Variants in CCDC7 observed in about 807,000 individuals in gnomAD.
The protein encoded by CCDC7 is coiled-coil domain containing 7.
A neutral mutation model predicts 196.9 loss-of-function variants in CCDC7; 183 were observed. The ratio of observed to expected loss-of-function variants is 0.93; its 90% CI spans 0.82 to 1.05. The LOEUF is 1.05. CCDC7 is among the 50% of genes least tolerant of loss of function. The pLI is 0.00. For synonymous variants in CCDC7, 525 were observed against 484.6 expected (o/e 1.08, Z -1.10); for missense variants, 1,540 against 1,482.2 (o/e 1.04, Z -0.64).
intron 24 of CCDC7, among the ~76,000 whole-genome samples, chr10:32,696,398 A>C (rs994839267): frequency 7.2e-5 from 11 of 152,146 alleles, no homozygotes; most frequent in African/African-American, 2.2e-4. Context: ...CTCCATGTCC[A>C]CTTTGAACTT....
chr10:32,850,122 C>T (rs1303025572), intron 39 of CCDC7, among the ~76,000 whole-genome samples: 1 of 152,158 alleles, frequency 6.6e-6, no homozygotes, highest in African/African-American at 2.4e-5. Context: ...AGACAGGAAG[C>T]TCTCAAAGCC....
intron 32 of CCDC7, among the ~76,000 whole-genome samples, chr10:32,829,153 G>A (rs182647545): frequency 6.6e-6 from 1 of 152,294 alleles, no homozygotes; most frequent in East Asian, 1.9e-4. Context: ...GCATCTCTTA[G>A]TATTACCATG....
chr10:32,864,517 A>G (rs1230993446), intron 41 of CCDC7, among the ~76,000 whole-genome samples: 1 of 151,402 alleles, frequency 6.6e-6, no homozygotes, highest in African/African-American at 2.4e-5. Flanking sequence ...CATATATATT[A>G]CATAATGCAA....
chr10:32,669,943 A>T (rs966665026), intron 21 of CCDC7, among the ~76,000 whole-genome samples: 3 of 152,300 alleles, frequency 2.0e-5, no homozygotes, highest in Middle Eastern at 6.8e-3. Context: ...AGGACAAATT[A>T]TAATCAGACG....
chr10:32,700,917 C>G lies in CCDC7; in HGVS notation c.2458+5925C>G, dbSNP rs576738474. Among the ~76,000 whole-genome samples, 297 of 152,304 alleles carry G rather than the reference C, an allele frequency of 2.0e-3. 1 individual carries two copies. Among genetic ancestry groups the G allele is most frequent in the Middle Eastern group, 6.8e-3 (2 of 294 alleles). Reference sequence around the variant, plus strand: ...TGCACATTGATTTTGTGTCCTGAGACTTTGCTGAAGTTGCTTATCAGCTTA... The same window carrying G: ...TGCACATTGATTTTGTGTCCTGAGAGTTTGCTGAAGTTGCTTATCAGCTTA... On this transcript the variant is annotated intron_variant, in intron 24 of 41. Coordinates refer to ENST00000639629, the Ensembl canonical transcript of CCDC7.
chr10:32,785,729 G>A (rs2081757590), intron 29 of CCDC7, among the ~76,000 whole-genome samples: 1 of 152,076 alleles, frequency 6.6e-6, no homozygotes, highest in Non-Finnish European at 1.5e-5. Context: ...GCATTAATTG[G>A]GAGGATTTAG....
At chr10:32,519,524 G>T (rs562285000) in intron 11 of CCDC7, among the ~76,000 whole-genome samples, 10 of 152,132 alleles carry the variant, frequency 6.6e-5, no homozygotes, top group African/African-American at 2.4e-4. Flanking sequence ...TTAATGCGTA[G>T]AAACTTTGGT....
At chr10:32,835,422 G>A (rs780366191) in intron 33 of CCDC7, among the ~76,000 whole-genome samples, 7 of 152,000 alleles carry the variant, frequency 4.6e-5, no homozygotes, top group Non-Finnish European at 8.8e-5. Flanking sequence ...GCAAAGACAT[G>A]AAATCAACCC....
At chr10:32,532,125 A>G (rs911539871) in intron 11 of CCDC7, among the ~76,000 whole-genome samples, 3 of 151,844 alleles carry the variant, frequency 2.0e-5, no homozygotes, top group East Asian at 3.9e-4. Context: ...GAGGTTCATC[A>G]TTAGGTTATT....
At chr10:32,502,378 A>T (rs1364444769) in intron 9 of CCDC7, among the ~76,000 whole-genome samples, 1 of 151,988 alleles carries the variant, frequency 6.6e-6, no homozygotes, top group Non-Finnish European at 1.5e-5. Flanking sequence ...CTCACCCTCC[A>T]TGGGCTGCAT....
At chr10:32,806,545 A>G (rs11009090) in intron 30 of CCDC7, among the ~76,000 whole-genome samples, 58,137 of 152,022 alleles carry the variant, frequency 0.38, 13,824 homozygotes, top group Non-Finnish European at 0.54. Flanking sequence ...CAAAGAGATA[A>G]AAAATATTTT....
At chr10:32,596,932 GAC>G (rs2060435895) in intron 18 of CCDC7, among the ~76,000 whole-genome samples, 1 of 152,030 alleles carries the variant, frequency 6.6e-6, no homozygotes, top group African/African-American at 2.4e-5. Context: ...TGGGTAACCC[GAC>G]CTTTCTGGCT....
chr10:32,620,332 A>C (rs1453237031), intron 18 of CCDC7, among the ~76,000 whole-genome samples: 4 of 152,134 alleles, frequency 2.6e-5, no homozygotes, highest in Admixed American at 2.6e-4. Context: ...ATTCTCATAT[A>C]ATTTCCTGCA....
chr10:32,474,384 C>T (rs986939146), intron 8 of CCDC7, among the ~76,000 whole-genome samples: 1 of 147,806 alleles, frequency 6.8e-6, no homozygotes, highest in Non-Finnish European at 1.5e-5. Flanking sequence ...CCACCACACC[C>T]AGCTAACTTT....
chr10:32,504,794 G>A (rs1468052597), intron 9 of CCDC7, among the ~76,000 whole-genome samples: 1 of 152,084 alleles, frequency 6.6e-6, no homozygotes, highest in Non-Finnish European at 1.5e-5. Context: ...GTCTTCTTAA[G>A]TATATTAAGA....
At chr10:32,673,654 C>CGTGTGTGTGTGTGTGTGTGTGTGT (rs71027102) in intron 21 of CCDC7, among the ~76,000 whole-genome samples, 8 of 148,042 alleles carry the variant, frequency 5.4e-5, no homozygotes, top group African/African-American at 2.1e-4. Flanking sequence ...CCATTGTGCA[C>CGTGTGTGTGTGTGTGTGTGTGTGT]GTGTGTGTGT....
chr10:32,835,841 T>G (rs2092559430), intron 33 of CCDC7, among the ~76,000 whole-genome samples: 1 of 152,048 alleles, frequency 6.6e-6, no homozygotes. Context: ...AAATAAAAGT[T>G]GAAAAAAATG....
chr10:32,771,509 G>C (rs1188790957), intron 28 of CCDC7, among the ~76,000 whole-genome samples: 1 of 152,164 alleles, frequency 6.6e-6, no homozygotes, highest in East Asian at 1.9e-4. Context: ...TAGTCTGATA[G>C]TTTTTTTCTT....
intron 33 of CCDC7, among the ~76,000 whole-genome samples, chr10:32,836,812 A>G (rs2092639838): frequency 6.6e-6 from 1 of 152,130 alleles, no homozygotes; most frequent in Non-Finnish European, 1.5e-5. Context: ...ACTACAAAGC[A>G]GTTATTATAA....
Sources: allele counts gnomAD v4.1 joint callset (sites outside exome capture counted in the v4.1 genomes callset), GRCh38; gene constraint gnomAD v4.1.1; transcripts MANE v1.5; gene names NCBI Gene and HGNC (gene_info 2026-07-23, HGNC 2026-07-21).